Variants in ATG5 observed in about 807,000 individuals in gnomAD.
The protein encoded by ATG5 is autophagy protein 5.
Under a neutral mutation model 36.5 loss-of-function variants are expected in ATG5, and 14 were observed. The observed-to-expected ratio is 0.38, with a 90% CI of 0.25 to 0.60. ATG5 has a LOEUF of 0.60. Among genes scored for constraint, ATG5 ranks in the 20% least tolerant of loss-of-function variants. ATG5 has a pLI of 0.60. For missense variants in ATG5, 195 were observed against 326.7 expected (o/e 0.60, Z 3.11); for synonymous variants, 95 against 101.5 (o/e 0.94, Z 0.38).
intron 1 of ATG5, among the ~76,000 whole-genome samples, chr6:106,317,886 C>A (rs905271910): frequency 6.6e-6 from 1 of 152,100 alleles, no homozygotes; most frequent in Non-Finnish European, 1.5e-5. Flanking sequence ...TAGGTTATGA[C>A]AAATAAGTAA....
intron 7 of ATG5, among the ~76,000 whole-genome samples, chr6:106,198,783 A>G (rs1427763284): frequency 6.6e-6 from 1 of 151,686 alleles, no homozygotes; most frequent in Admixed American, 6.6e-5. Flanking sequence ...CTGGGAAAAA[A>G]AAAAGAGAGA....
intron 1 of ATG5, among the ~76,000 whole-genome samples, chr6:106,316,784 T>C (rs1007199885): frequency 5.3e-5 from 8 of 152,134 alleles, no homozygotes; most frequent in African/African-American, 1.9e-4. Context: ...TATAAACCCA[T>C]TCCCCATTCT....
At chr6:106,318,577 T>C (rs566979792) in intron 1 of ATG5, among the ~76,000 whole-genome samples, 20 of 152,344 alleles carry the variant, frequency 1.3e-4, no homozygotes, top group Admixed American at 3.3e-4. Context: ...GATAAATTGG[T>C]ACTTTATTTC....
intron 3 of ATG5, among the ~76,000 whole-genome samples, chr6:106,298,257 C>T (rs1003022501): frequency 1.3e-5 from 2 of 152,072 alleles, no homozygotes; most frequent in African/African-American, 4.8e-5. Flanking sequence ...CTGCACCCAG[C>T]GCTAGCCTGT....
intron 5 of ATG5, among the ~76,000 whole-genome samples, chr6:106,261,026 A>G (rs1458022562): frequency 2.6e-5 from 4 of 152,216 alleles, no homozygotes; most frequent in Non-Finnish European, 5.9e-5. Context: ...TTGTTGAGTT[A>G]AAATGTGTAT....
intron 4 of ATG5, among the ~76,000 whole-genome samples, chr6:106,281,928 T>C (rs992209491): frequency 6.6e-6 from 1 of 152,238 alleles, no homozygotes; most frequent in African/African-American, 2.4e-5. Flanking sequence ...TGACTAAAGA[T>C]GTTGAGTGCC....
At chr6:106,315,447 G>A (rs1440964101) in intron 2 of ATG5, among the ~76,000 whole-genome samples, 5 of 152,130 alleles carry the variant, frequency 3.3e-5, no homozygotes, top group Non-Finnish European at 1.5e-5. Context: ...ACTTAGAAAA[G>A]GGAAACAAAG....
chr6:106,289,936 T>A (rs1780236149), intron 4 of ATG5, among the ~76,000 whole-genome samples: 2 of 152,156 alleles, frequency 1.3e-5, no homozygotes, highest in African/African-American at 4.8e-5. Flanking sequence ...CTCACAAAGA[T>A]ATGTAGTTTA....
chr6:106,217,959 T>C (rs11756420), intron 6 of ATG5, among the ~76,000 whole-genome samples: 12,844 of 152,254 alleles, frequency 0.084, 570 homozygotes, highest in South Asian at 0.13. Flanking sequence ...TAAAATAGTA[T>C]AAACATTTTA....
chr6:106,235,023 T>C (rs1041257794), intron 6 of ATG5, among the ~76,000 whole-genome samples: 1 of 152,194 alleles, frequency 6.6e-6, no homozygotes, highest in Non-Finnish European at 1.5e-5. Context: ...ATTATGTTAA[T>C]CAATCCTGAA....
At chr6:106,304,924 T>C (rs923887649) in intron 3 of ATG5, among the ~76,000 whole-genome samples, 1 of 152,030 alleles carries the variant, frequency 6.6e-6, no homozygotes, top group Non-Finnish European at 1.5e-5. Context: ...AAACCCTGTC[T>C]CTACTACAAA....
intron 7 of ATG5, among the ~76,000 whole-genome samples, chr6:106,194,961 C>CT (rs1776118737): frequency 6.6e-6 from 1 of 152,162 alleles, no homozygotes; most frequent in Admixed American, 6.5e-5. Flanking sequence ...GCTTAGATCT[C>CT]TGAGTCATTT....
chr6:106,299,161 C>G (rs1770103964), intron 3 of ATG5, among the ~76,000 whole-genome samples: 1 of 152,138 alleles, frequency 6.6e-6, no homozygotes, highest in Non-Finnish European at 1.5e-5. Context: ...CTGGACCTAG[C>G]TGGATACCAA....
chr6:106,266,199 T>C (rs1779223332), intron 5 of ATG5, among the ~76,000 whole-genome samples: 1 of 152,102 alleles, frequency 6.6e-6, no homozygotes, highest in African/African-American at 2.4e-5. Flanking sequence ...CAAACCACCA[T>C]CAGAGAATAT....
intron 5 of ATG5, 55 bp from the exon 6 acceptor site, chr6:106,248,299 C>A: frequency 7.7e-7 from 1 of 1,302,216 alleles, no homozygotes; most frequent in Non-Finnish European, 1.1e-6. Flanking sequence ...TAATGGAATA[C>A]CTCACATGAA....
intron 3 of ATG5, 30 bp from the exon 4 acceptor site, chr6:106,293,136 A>G (rs1204224541): frequency 6.3e-7 from 1 of 1,576,704 alleles, no homozygotes; most frequent in Admixed American, 1.7e-5. Context: ...TTTTGAGAAA[A>G]TAAATATTTA....
intron 2 of ATG5, among the ~76,000 whole-genome samples, chr6:106,311,538 T>C (rs1185181459): frequency 1.3e-5 from 2 of 152,100 alleles, no homozygotes; most frequent in African/African-American, 4.8e-5. Flanking sequence ...ATGGAATGAA[T>C]ACAAAGAAAC....
At chr6:106,280,661 G>C (rs1779842849) in intron 4 of ATG5, among the ~76,000 whole-genome samples, 4 of 152,062 alleles carry the variant, frequency 2.6e-5, no homozygotes, top group Admixed American at 2.6e-4. Flanking sequence ...AACAGTTACT[G>C]AACACTTACT....
chr6:106,202,612 T>A (rs1776473095), intron 6 of ATG5, among the ~76,000 whole-genome samples: 1 of 152,192 alleles, frequency 6.6e-6, no homozygotes, highest in Non-Finnish European at 1.5e-5. Context: ...TTTAAGAAAT[T>A]CATTGTTCAA....
Sources: allele counts gnomAD v4.1 joint callset (sites outside exome capture counted in the v4.1 genomes callset), GRCh38; gene constraint gnomAD v4.1.1; transcripts MANE v1.5; gene names NCBI Gene and HGNC (gene_info 2026-07-23, HGNC 2026-07-21).